The following PRR16 variants were observed in gnomAD, a reference collection of about 807,000 sequenced individuals.
PRR16 encodes the protein protein Largen.
In PRR16, 6 loss-of-function variants were observed where a neutral mutation model predicts 18.2. The ratio of observed to expected loss-of-function variants is 0.33; its 90% confidence interval spans 0.18 to 0.65. The LOEUF (loss-of-function observed/expected upper bound fraction) is 0.65. Ranked by LOEUF, PRR16 falls within the 30% of genes least tolerant of loss-of-function variation. The probability of loss-of-function intolerance (pLI) is 0.74; values close to 1 mark genes in which losing one functional copy is unlikely to be tolerated. For missense variants in PRR16, 412 were observed against 376.6 expected (o/e 1.09, Z -0.78); for synonymous variants, 151 against 147.8 (o/e 1.02, Z -0.16).
At chr5:120,705,068 A>T in the PRR16 span, among the ~76,000 whole-genome samples, 6 of 146,292 alleles carry the variant, frequency 4.1e-5, no homozygotes, top group African/African-American at 1.6e-4. Context: ...CACTGGCTCA[A>T]TGTCCATTGT....
At chr5:120,614,807 G>C (rs1364635044) in intron 1 of PRR16, among the ~76,000 whole-genome samples, 1 of 152,178 alleles carries the variant, frequency 6.6e-6, no homozygotes, top group Non-Finnish European at 1.5e-5. Context: ...CAATTATGAA[G>C]CTGGGGGATT....
At chr5:120,589,959 C>G (rs1753578011) in intron 1 of PRR16, among the ~76,000 whole-genome samples, 1 of 151,902 alleles carries the variant, frequency 6.6e-6, no homozygotes, top group African/African-American at 2.4e-5. Context: ...AGTAGTTTTC[C>G]CTTAAGTGTA....
chr5:120,721,630 G>A, the PRR16 span, among the ~76,000 whole-genome samples: 1 of 151,994 alleles, frequency 6.6e-6, no homozygotes, highest in Non-Finnish European at 1.5e-5. Context: ...AGTAGTGGAA[G>A]GAAGCCATGT....
chr5:120,709,641 T>C, the PRR16 span, among the ~76,000 whole-genome samples: 4 of 152,164 alleles, frequency 2.6e-5, no homozygotes, highest in Non-Finnish European at 5.9e-5. Context: ...CCCTACTCTT[T>C]ATTACCCTTC....
At position 120,605,930 on chromosome 5, in the gene PRR16, A is replaced by G. The variant is rs183886743; in HGVS notation, c.160-80024A>G. Among the ~76,000 whole-genome samples, 316 of 152,220 alleles carry G rather than the reference A, an allele frequency of 2.1e-3. 1 individual carries two copies. Among genetic ancestry groups the G allele is most frequent in the African/African-American group, 7.4e-3 (307 of 41,544 alleles). The stretch of plus-strand genomic sequence containing the variant: ...ACAGTCCATTGGCAACAACACTCCA[A>G]TGGGGCTGCCAGCAAAAGCACTCCA... On this transcript the variant is annotated intron_variant, in intron 1 of 1. Transcript: ENST00000407149.
intron 1 of PRR16, among the ~76,000 whole-genome samples, chr5:120,669,218 C>G (rs1339450903): frequency 6.6e-6 from 1 of 151,976 alleles, no homozygotes; most frequent in Non-Finnish European, 1.5e-5. Context: ...TATTATTACC[C>G]CAGTGTTTGA....
chr5:120,535,242 T>C (rs745597037), intron 1 of PRR16, among the ~76,000 whole-genome samples: 1 of 152,180 alleles, frequency 6.6e-6, no homozygotes, highest in Non-Finnish European at 1.5e-5. Flanking sequence ...AAGATATTTT[T>C]AAAAAACTTT....
At chr5:120,495,515 A>G (rs1750215259) in intron 1 of PRR16, among the ~76,000 whole-genome samples, 1 of 152,142 alleles carries the variant, frequency 6.6e-6, no homozygotes, top group African/African-American at 2.4e-5. Context: ...TGGATTCAAA[A>G]TAGTGCTCAG....
intron 1 of PRR16, among the ~76,000 whole-genome samples, chr5:120,675,569 A>G (rs1454015597): frequency 6.6e-6 from 1 of 152,142 alleles, no homozygotes; most frequent in Non-Finnish European, 1.5e-5. Flanking sequence ...TATATTTATA[A>G]AATATCTGAT....
chr5:120,532,248 T>G (rs1470259520), intron 1 of PRR16, among the ~76,000 whole-genome samples: 1 of 152,142 alleles, frequency 6.6e-6, no homozygotes, highest in African/African-American at 2.4e-5. Context: ...ATACAAGTGT[T>G]TGGAAAAATT....
the PRR16 span, among the ~76,000 whole-genome samples, chr5:120,711,491 C>T: frequency 6.6e-6 from 1 of 152,156 alleles, no homozygotes; most frequent in Non-Finnish European, 1.5e-5. Context: ...ATTAATACTA[C>T]TACCCCAAGC....
At chr5:120,501,973 A>G (rs1750472948) in intron 1 of PRR16, among the ~76,000 whole-genome samples, 1 of 150,204 alleles carries the variant, frequency 6.7e-6, no homozygotes, top group African/African-American at 2.4e-5. Context: ...AAAAAAAAAA[A>G]AAAAAAAAAG....
the PRR16 span, among the ~76,000 whole-genome samples, chr5:120,745,517 C>T: frequency 6.6e-6 from 1 of 151,854 alleles, no homozygotes; most frequent in African/African-American, 2.4e-5. Context: ...TTAGGAATTG[C>T]GTGAAGCATT....
chr5:120,477,868 A>G (rs1176477645), intron 1 of PRR16, among the ~76,000 whole-genome samples: 1 of 152,178 alleles, frequency 6.6e-6, no homozygotes, highest in Non-Finnish European at 1.5e-5. Context: ...TCCCCACCTG[A>G]GCAAACGCTT....
chr5:120,609,891 A>G lies in PRR16; in HGVS notation c.160-76063A>G, dbSNP rs1247361230. ...GTCCCAGAATTACTTTTTGCACCGC[A>G]CTTAGCTTTCCAAATTCTCAGGCAC... On this transcript the variant is annotated intron_variant, in intron 1 of 1. Coordinates refer to ENST00000407149, the MANE Select transcript of PRR16 (RefSeq NM_001300783.2). Among the ~76,000 whole-genome samples, 3 of 152,292 alleles carry G rather than the reference A, an allele frequency of 2.0e-5. No individual in the cohort carries two copies. In the East Asian group the frequency reaches 5.8e-4, roughly 29 times the overall value.
At chr5:120,509,510 G>A (rs1172071728) in intron 1 of PRR16, among the ~76,000 whole-genome samples, 1 of 151,930 alleles carries the variant, frequency 6.6e-6, no homozygotes, top group Non-Finnish European at 1.5e-5. Flanking sequence ...GGTTAAGAAG[G>A]GCTCCTCCAC....
chr5:120,702,507 G>C, the PRR16 span, among the ~76,000 whole-genome samples: 1 of 152,126 alleles, frequency 6.6e-6, no homozygotes, highest in East Asian at 1.9e-4. Flanking sequence ...CCCCAGAAAA[G>C]CGGGACTTGC....
chr5:120,608,816 C>T (rs559673498), intron 1 of PRR16, among the ~76,000 whole-genome samples: 7 of 152,046 alleles, frequency 4.6e-5, no homozygotes, highest in Admixed American at 6.6e-5. Context: ...TTTTGACCTT[C>T]GAAAATAAGC....
At chr5:120,631,891 T>C (rs1221504312) in intron 1 of PRR16, among the ~76,000 whole-genome samples, 3 of 152,106 alleles carry the variant, frequency 2.0e-5, no homozygotes, top group Non-Finnish European at 2.9e-5. Context: ...GCTGATGCAC[T>C]CTTGAAAGCA....
Sources: gnomAD v4.1 joint callset for allele counts (sites outside exome capture counted in the v4.1 genomes callset) on GRCh38, gnomAD v4.1.1 for gene constraint, MANE v1.5 for transcripts, NCBI Gene and HGNC (gene_info 2026-07-23, HGNC 2026-07-21) for gene names.